The following PHEX variants were observed in gnomAD, a reference collection of about 807,000 sequenced individuals.
The protein encoded by PHEX is phosphate-regulating neutral endopeptidase PHEX.
Under a neutral mutation model 68.0 loss-of-function variants are expected in PHEX, and 16 were observed. The observed-to-expected ratio is 0.24, with a 90% CI of 0.16 to 0.36. The LOEUF is 0.36. PHEX is among the 10% of genes least tolerant of loss of function. The probability of loss-of-function intolerance (pLI) is 1.00; values close to 1 mark genes in which losing one functional copy is unlikely to be tolerated. For missense variants in PHEX, 480 were observed against 575.5 expected (o/e 0.83, Z 1.70); for synonymous variants, 208 against 205.1 (o/e 1.01, Z -0.12).
At chrX:22,131,119 G>A (rs1440634724) in intron 11 of PHEX, among the ~76,000 whole-genome samples, 18 of 110,172 alleles carry the variant, frequency 1.6e-4, no homozygotes, top group Non-Finnish European at 2.8e-4. Flanking sequence ...AGCTCACTGT[G>A]ACCTCTGCCT....
intron 12 of PHEX, among the ~76,000 whole-genome samples, chrX:22,145,313 A>G (rs775468536): frequency 5.7e-4 from 64 of 112,229 alleles, no homozygotes; most frequent in African/African-American, 2.0e-3. Flanking sequence ...GGCATTTTCT[A>G]AAGTTACCCA....
chrX:22,184,763 C>G (rs1000749558), intron 14 of PHEX, among the ~76,000 whole-genome samples: 5 of 111,958 alleles, frequency 4.5e-5, no homozygotes, highest in Non-Finnish European at 9.4e-5. Flanking sequence ...TTAACTCACT[C>G]TCATTCTACT....
intron 11 of PHEX, among the ~76,000 whole-genome samples, chrX:22,115,937 C>T (rs968826054): frequency 5.3e-5 from 6 of 112,266 alleles, no homozygotes; most frequent in Non-Finnish European, 1.9e-5. Flanking sequence ...GATCTTTCTT[C>T]CATATACTGA....
Position 22,111,449 on chromosome X carries a change from ATC to A in PHEX, c.1080-10_1080-9del. ...TTGACCTAAAATACAATAAATGGGC[ATC>A]TCTCTCTGTTAACAGGACCATTGCC... On this transcript the variant is annotated splice_polypyrimidine_tract_variant and intron_variant, in intron 9 of 21. Coordinates refer to ENST00000379374, the MANE Select transcript of PHEX (RefSeq NM_000444.6). 8.8e-7 allele frequency: 1 copy of A among 1,141,347 alleles called. No homozygotes were observed. Among genetic ancestry groups the A allele is most frequent in the Non-Finnish European group, 1.2e-6 (1 of 830,798 alleles). The allele number at this position is 1,141,347 out of a possible 1,213,427, so 94.1% of individuals were successfully genotyped here.
chrX:22,210,918 C>T (rs1016712048), intron 15 of PHEX, among the ~76,000 whole-genome samples: 1 of 110,135 alleles, frequency 9.1e-6, no homozygotes, highest in Non-Finnish European at 1.9e-5. Context: ...CTCATTTCTC[C>T]TCATGTGTTC....
chrX:22,235,550 G>A (rs746308444), intron 20 of PHEX, among the ~76,000 whole-genome samples: 2 of 111,183 alleles, frequency 1.8e-5, no homozygotes, highest in East Asian at 2.9e-4. Context: ...GGTGGAAAGA[G>A]CTAGCTAGCT....
chrX:22,067,142 T>C (rs906008712), intron 3 of PHEX, among the ~76,000 whole-genome samples: 1 of 108,927 alleles, frequency 9.2e-6, no homozygotes, highest in African/African-American at 3.4e-5. Context: ...CTCAGAAGGC[T>C]AAGGCAGGAG....
intron 11 of PHEX, among the ~76,000 whole-genome samples, chrX:22,125,241 G>A (rs909573897): frequency 1.8e-5 from 2 of 111,194 alleles, no homozygotes; most frequent in South Asian, 7.5e-4. Flanking sequence ...TATTAACAAC[G>A]ATTTCCATTT....
Position 22,126,421 on chromosome X carries a change from A to T in PHEX, c.1303-7102A>T, listed in dbSNP as rs146624113. Among the ~76,000 whole-genome samples, 378 of 111,764 alleles carry T rather than the reference A, an allele frequency of 3.4e-3. 3 individuals carry two copies. The highest frequency in any genetic ancestry group is 0.012 in the African/African-American group (360 of 30,732). ...GGGATTTCTTTATTATCAGGGACAAAGCTTTGAAGAAAACTACAACCGATC... is the reference window on the plus strand; with the variant it reads ...GGGATTTCTTTATTATCAGGGACAATGCTTTGAAGAAAACTACAACCGATC... On this transcript the variant is annotated intron_variant, in intron 11 of 21. Coordinates refer to ENST00000379374, the MANE Select transcript of PHEX (RefSeq NM_000444.6).
intron 15 of PHEX, among the ~76,000 whole-genome samples, chrX:22,197,461 G>C (rs1019883941): frequency 9.0e-6 from 1 of 110,947 alleles, no homozygotes; most frequent in African/African-American, 3.3e-5. Context: ...CCACCACACT[G>C]TGAGGGCATT....
chrX:22,135,442 A>G (rs1369667430), intron 12 of PHEX, among the ~76,000 whole-genome samples: 2 of 108,946 alleles, frequency 1.8e-5, no homozygotes, highest in Non-Finnish European at 3.8e-5. Flanking sequence ...TGAACCGAAG[A>G]GGTGCTTGCA....
chrX:22,087,490 G>A (rs768158973), intron 5 of PHEX, among the ~76,000 whole-genome samples: 1 of 111,685 alleles, frequency 9.0e-6, no homozygotes, highest in South Asian at 3.7e-4. Context: ...TGAAACAAGA[G>A]TTATGTTTTT....
intron 4 of PHEX, among the ~76,000 whole-genome samples, chrX:22,076,912 G>A (rs1180283322): frequency 9.0e-6 from 1 of 111,712 alleles, no homozygotes; most frequent in East Asian, 2.8e-4. Context: ...CCTTAGCCCT[G>A]TCTCAATATC....
intron 12 of PHEX, among the ~76,000 whole-genome samples, chrX:22,158,958 C>T (rs1933030251): frequency 2.7e-5 from 3 of 112,901 alleles, no homozygotes; most frequent in Non-Finnish European, 5.6e-5. Flanking sequence ...CTGTTGTCTC[C>T]ATGGAAATTA....
intron 12 of PHEX, among the ~76,000 whole-genome samples, chrX:22,138,896 G>A (rs1022677469): frequency 2.7e-5 from 3 of 111,427 alleles, no homozygotes; most frequent in African/African-American, 9.8e-5. Flanking sequence ...CCACCTTCCC[G>A]AGCTTGTCCC....
At chrX:22,134,019 T>C (rs1227142418) in intron 12 of PHEX, among the ~76,000 whole-genome samples, 1 of 111,612 alleles carries the variant, frequency 9.0e-6, no homozygotes. Context: ...AAAACCCATA[T>C]TGGCCACATG....
chrX:22,110,431 TATTC>T (rs1328543677), intron 9 of PHEX, among the ~76,000 whole-genome samples: 2 of 112,323 alleles, frequency 1.8e-5, no homozygotes, highest in East Asian at 5.5e-4. Context: ...TTTGTAGACA[TATTC>T]TTTTTTTTAT....
chrX:22,225,452 T>C (rs1182384346), intron 18 of PHEX, among the ~76,000 whole-genome samples: 3 of 111,628 alleles, frequency 2.7e-5, no homozygotes, highest in Non-Finnish European at 3.8e-5. Context: ...GGGAGGCCGT[T>C]ATCCTGCGTG....
At chrX:22,245,555 A>G (rs908828651) in intron 21 of PHEX, 146 bp downstream of exon 21, 40 of 516,442 alleles carry the variant, frequency 7.7e-5, no homozygotes, top group African/African-American at 5.4e-4. Flanking sequence ...GCAGCCAAAA[A>G]ATATCTGGCC....
Sources: gnomAD v4.1 joint callset for allele counts (sites outside exome capture counted in the v4.1 genomes callset) on GRCh38, gnomAD v4.1.1 for gene constraint, MANE v1.5 for transcripts, NCBI Gene and HGNC (gene_info 2026-07-23, HGNC 2026-07-21) for gene names.